The following PPP2R2D variants were observed in gnomAD, a reference collection of about 807,000 sequenced individuals.
PPP2R2D encodes protein phosphatase 2 regulatory subunit Bdelta, also known as serine/threonine-protein phosphatase 2A 55 kDa regulatory subunit B delta isoform.
A neutral mutation model predicts 31.1 loss-of-function variants in PPP2R2D; 9 were observed. The observed-to-expected ratio is 0.29, with a 90% CI of 0.17 to 0.51. The LOEUF is 0.51. Among genes scored for constraint, PPP2R2D ranks in the 20% least tolerant of loss-of-function variants. The pLI is 0.98. For missense variants in PPP2R2D, 391 were observed against 465.6 expected (o/e 0.84, Z 1.48); for synonymous variants, 179 against 172.6 (o/e 1.04, Z -0.29).
downstream of PPP2R2D, among the ~76,000 whole-genome samples, chr10:131,960,855 G>A (rs2036912052): frequency 6.6e-6 from 1 of 152,226 alleles, no homozygotes; most frequent in African/African-American, 2.4e-5. Flanking sequence ...GCTGTGCTGG[G>A]TAGCAGAGGT....
intron 2 of PPP2R2D, among the ~76,000 whole-genome samples, chr10:131,932,397 C>G (rs1039521129): frequency 2.6e-5 from 4 of 152,220 alleles, no homozygotes; most frequent in African/African-American, 7.2e-5. Context: ...ACCTAACTCA[C>G]TTTGGGAAGC....
the PPP2R2D span, among the ~76,000 whole-genome samples, chr10:131,964,946 G>A: frequency 1.3e-5 from 2 of 151,972 alleles, no homozygotes; most frequent in African/African-American, 2.4e-5. Flanking sequence ...TTTCCACCCC[G>A]GGGTAACCAA....
chr10:131,962,953 AG>A (rs2036942960), downstream of PPP2R2D, among the ~76,000 whole-genome samples: 1 of 152,234 alleles, frequency 6.6e-6, no homozygotes, highest in African/African-American at 2.4e-5. Context: ...TCACGAGGTC[AG>A]GAGTTCAAGA....
In PPP2R2D at chr10:131,945,760, G is replaced by A. The variant is rs189058549; in HGVS notation, c.820+301G>A. 20 of 293,822 alleles carry A rather than the reference G, an allele frequency of 6.8e-5. No individual in the cohort carries two copies. Among genetic ancestry groups the A allele is most frequent in the Middle Eastern group, 2.2e-3 (2 of 930 alleles). 18.2% of individuals were successfully genotyped at this position (293,822 alleles called of 1,614,324 possible). ...GTCACCGCACCTGGTCACGCCTGGCGTCTTTTAAAGCATCTCATTTAGAGC... is the reference window on the plus strand; with the variant it reads ...GTCACCGCACCTGGTCACGCCTGGCATCTTTTAAAGCATCTCATTTAGAGC... On this transcript the variant is annotated intron_variant, in intron 7 of 8. Coordinates refer to ENST00000455566, the MANE Select transcript of PPP2R2D (RefSeq NM_018461.5). This position sits in a 1 kb window ranked among gnomAD's most constrained non-coding sequence, Gnocchi z 4.8.
intron 8 of PPP2R2D, among the ~76,000 whole-genome samples, chr10:131,951,506 A>G (rs1274953151): frequency 5.3e-5 from 8 of 152,252 alleles, no homozygotes; most frequent in African/African-American, 1.7e-4. Flanking sequence ...TTTAAGACAT[A>G]CAAGACGGTT....
At chr10:131,914,096 G>GA (rs1482819145) in intron 2 of PPP2R2D, among the ~76,000 whole-genome samples, 3 of 152,126 alleles carry the variant, frequency 2.0e-5, no homozygotes, top group African/African-American at 7.2e-5. Flanking sequence ...ACATTTGAGT[G>GA]AAAAAAACAC....
intron 2 of PPP2R2D, among the ~76,000 whole-genome samples, chr10:131,920,565 C>A (rs1312951522): frequency 6.6e-6 from 1 of 152,222 alleles, no homozygotes; most frequent in African/African-American, 2.4e-5. Context: ...GAATTTCATT[C>A]CTTTTTTTGG....
intron 2 of PPP2R2D, among the ~76,000 whole-genome samples, chr10:131,913,208 T>G (rs1175165909): frequency 2.0e-5 from 3 of 151,428 alleles, no homozygotes; most frequent in African/African-American, 7.3e-5. Context: ...TTTTTGTATT[T>G]TTAGTAGAGT....
At chr10:131,932,137 G>A (rs536426882) in intron 2 of PPP2R2D, among the ~76,000 whole-genome samples, 3 of 152,192 alleles carry the variant, frequency 2.0e-5, no homozygotes, top group African/African-American at 7.2e-5. Flanking sequence ...GGTGGCTGCG[G>A]ACACTTTGCG....
chr10:131,908,317 A>G (rs891124621), intron 2 of PPP2R2D, among the ~76,000 whole-genome samples: 224 of 152,026 alleles, frequency 1.5e-3, no homozygotes, highest in Middle Eastern at 3.4e-3. Flanking sequence ...CTTCCTGTCC[A>G]TTCCCTAAGC....
rs2036565357 is a variant in PPP2R2D at position 131,947,619 on chromosome 10, C to A, written c.910C>A (p.Arg304=). The stretch of plus-strand genomic sequence containing the variant: ...CGATGTAAAATTCAGTCATAGTGGG[C>A]GGTACATGATGACCAGAGACTACCT... ...ISDVKFSHSG[R]YMMTRDYLSV... Residue 304 remains arginine, a synonymous_variant, in exon 8 of 9, where the codon CGG becomes AGG. Transcript: ENST00000455566. This position sits in a 1 kb window ranked among gnomAD's most constrained non-coding sequence, Gnocchi z 4.3. 2.5e-6 allele frequency: 4 copies of A among 1,614,180 alleles called. No homozygotes were observed. The highest frequency in any genetic ancestry group is 2.2e-5 in the East Asian group (1 of 44,882).
chr10:131,913,125 C>T (rs1272531931), intron 2 of PPP2R2D, among the ~76,000 whole-genome samples: 2 of 151,328 alleles, frequency 1.3e-5, no homozygotes, highest in Non-Finnish European at 2.9e-5. Flanking sequence ...CAGGTTCAAA[C>T]GGTTCTCCTG....
At chr10:131,967,574 C>T in the PPP2R2D span, 2 of 152,436 alleles carry the variant, frequency 1.3e-5, no homozygotes, top group East Asian at 3.8e-4. Flanking sequence ...GGCAGGCAGC[C>T]TTTCTAAAAA....
chr10:131,953,317 G>A (rs1429544816), intron 8 of PPP2R2D, among the ~76,000 whole-genome samples: 1 of 119,374 alleles, frequency 8.4e-6, no homozygotes, highest in East Asian at 3.1e-4. Context: ...TGACTTGCAG[G>A]TGTGCGGGGG....
In PPP2R2D at chr10:131,945,333, AC is replaced by A; in HGVS notation, c.696del (p.Glu233LysfsTer58). The A allele has an allele frequency of 6.2e-7, 1 of 1,614,158 alleles. No homozygotes were observed. The highest frequency in any genetic ancestry group is 8.5e-7 in the Non-Finnish European group (1 of 1,180,024). ...DIKPANMEEL[T>X]EVITAAEFHP... ...CAAGCCTGCTAACATGGAGGAGCTGACCGAAGTCATCACTGCAGCCGAGTTC... is the reference window on the plus strand; with the variant it reads ...CAAGCCTGCTAACATGGAGGAGCTGACGAAGTCATCACTGCAGCCGAGTTC... On this transcript the variant is annotated frameshift_variant, in exon 7 of 9. Coordinates refer to ENST00000455566, the MANE Select transcript of PPP2R2D (RefSeq NM_018461.5). LOFTEE classifies it high-confidence loss of function. This position sits in a 1 kb window ranked among gnomAD's most constrained non-coding sequence, Gnocchi z 4.8.
chr10:131,966,431 A>C, the PPP2R2D span: 1 of 152,248 alleles, frequency 6.6e-6, no homozygotes, highest in African/African-American at 2.4e-5. Context: ...CTCAAAGATA[A>C]AAACATTCAG....
At chr10:131,948,036 C>T (rs1262292408) in intron 8 of PPP2R2D, among the ~76,000 whole-genome samples, 1 of 152,130 alleles carries the variant, frequency 6.6e-6, no homozygotes, top group Non-Finnish European at 1.5e-5. Flanking sequence ...AGGTACAGGC[C>T]GGCTATGTGT....
intron 2 of PPP2R2D, among the ~76,000 whole-genome samples, chr10:131,924,233 C>T (rs1358317098): frequency 1.3e-5 from 2 of 152,096 alleles, no homozygotes; most frequent in African/African-American, 4.8e-5. Context: ...TAAGAGACCA[C>T]TGTCTAATCC....
chr10:131,927,711 A>G (rs2036134144), intron 2 of PPP2R2D, among the ~76,000 whole-genome samples: 1 of 152,180 alleles, frequency 6.6e-6, no homozygotes, highest in Non-Finnish European at 1.5e-5. Flanking sequence ...TGAATGTGGT[A>G]TAAGTGGAAT....
Sources: allele counts gnomAD v4.1 joint callset (sites outside exome capture counted in the v4.1 genomes callset), GRCh38; gene constraint gnomAD v4.1.1; non-coding constraint Gnocchi (gnomAD v3.1); transcripts MANE v1.5; gene names NCBI Gene and HGNC (gene_info 2026-07-23, HGNC 2026-07-21).